The following MCTP1 variants were observed in gnomAD, a reference collection of about 807,000 sequenced individuals.
MCTP1 encodes multiple C2 and transmembrane domain containing 1.
A neutral mutation model predicts 120.6 loss-of-function variants in MCTP1; 69 were observed. That is an observed-to-expected ratio of 0.57 (90% confidence interval 0.47 to 0.70). MCTP1 has a LOEUF of 0.70. Among genes scored for constraint, MCTP1 ranks in the 30% least tolerant of loss-of-function variants. The probability of loss-of-function intolerance (pLI) is 0.00; values close to 1 mark genes in which losing one functional copy is unlikely to be tolerated. For missense variants in MCTP1, 1,203 were observed against 1,248.8 expected (o/e 0.96, Z 0.55); for synonymous variants, 529 against 493.1 (o/e 1.07, Z -0.96).
intron 1 of MCTP1, among the ~76,000 whole-genome samples, chr5:95,096,062 T>C (rs1756244121): frequency 1.3e-5 from 2 of 152,198 alleles, no homozygotes; most frequent in South Asian, 2.1e-4. Context: ...AAAAATGTGA[T>C]ACTAATGACA....
At chr5:94,755,646 G>A (rs1319403770) in intron 19 of MCTP1, among the ~76,000 whole-genome samples, 1 of 152,134 alleles carries the variant, frequency 6.6e-6, no homozygotes, top group African/African-American at 2.4e-5. Context: ...TTCCATGCTT[G>A]GGACCCTTCG....
Position 94,932,004 on chromosome 5 carries a change from TA to T in MCTP1, c.1174-14del. The T allele has an allele frequency of 6.3e-7, 1 of 1,576,032 alleles. No homozygotes were observed. The highest frequency in any genetic ancestry group is 8.7e-7 in the Non-Finnish European group (1 of 1,147,418). On this transcript the variant is annotated splice_polypyrimidine_tract_variant and intron_variant, in intron 5 of 22. Coordinates refer to ENST00000515393, the MANE Select transcript of MCTP1 (RefSeq NM_024717.7). ...TCATTAGCATTGTCTGTAAATAAAA[TA>T]AAGCATTTTCATTATCTTTTCACTC...
At chr5:94,713,184 C>T (rs1306284198) in intron 20 of MCTP1, among the ~76,000 whole-genome samples, 3 of 152,020 alleles carry the variant, frequency 2.0e-5, no homozygotes, top group African/African-American at 7.2e-5. Flanking sequence ...TGGGTAGATG[C>T]TTTTAATTCC....
intron 1 of MCTP1, among the ~76,000 whole-genome samples, chr5:95,095,095 C>T (rs1440525839): frequency 3.7e-4 from 46 of 123,580 alleles, no homozygotes; most frequent in African/African-American, 1.3e-3. Context: ...GCGATCTAGG[C>T]TCACTGCAAG....
At chr5:95,080,324 A>G (rs1424128690) in intron 1 of MCTP1, among the ~76,000 whole-genome samples, 1 of 152,210 alleles carries the variant, frequency 6.6e-6, no homozygotes, top group East Asian at 1.9e-4. Flanking sequence ...AACTAGACCA[A>G]AAAACCTGCA....
At chr5:95,222,397 C>T (rs1456995290) in intron 1 of MCTP1, among the ~76,000 whole-genome samples, 2 of 152,236 alleles carry the variant, frequency 1.3e-5, no homozygotes, top group African/African-American at 4.8e-5. Context: ...GGACAATTAG[C>T]AGTCTCTGCT....
chr5:94,746,319 C>A (rs746499425), intron 19 of MCTP1, among the ~76,000 whole-genome samples: 1 of 152,126 alleles, frequency 6.6e-6, no homozygotes, highest in East Asian at 1.9e-4. Context: ...TCTATTAATT[C>A]TTTTATGTCA....
At chr5:94,801,507 T>G (rs1351686752) in intron 17 of MCTP1, among the ~76,000 whole-genome samples, 1 of 152,246 alleles carries the variant, frequency 6.6e-6, no homozygotes, top group Non-Finnish European at 1.5e-5. Flanking sequence ...AGTCATGAAC[T>G]ATTTTGGATA....
intron 1 of MCTP1, among the ~76,000 whole-genome samples, chr5:95,179,973 C>CAA (rs369836430): frequency 5.3e-4 from 80 of 152,100 alleles, no homozygotes; most frequent in African/African-American, 1.5e-3. Flanking sequence ...AAATAGAAAC[C>CAA]AAAAGCAAGC....
At chr5:94,878,252 T>A (rs1799325971) in intron 12 of MCTP1, among the ~76,000 whole-genome samples, 1 of 152,170 alleles carries the variant, frequency 6.6e-6, no homozygotes, top group East Asian at 1.9e-4. Context: ...GTTGAAGACA[T>A]CTTCCATCCT....
At chr5:94,823,401 A>G (rs1353467884) in intron 17 of MCTP1, among the ~76,000 whole-genome samples, 1 of 152,128 alleles carries the variant, frequency 6.6e-6, no homozygotes, top group Non-Finnish European at 1.5e-5. Flanking sequence ...CCATTGATCT[A>G]TATATGTGTT....
At chr5:95,268,380 C>T (rs1453947234) in intron 1 of MCTP1, among the ~76,000 whole-genome samples, 1 of 152,176 alleles carries the variant, frequency 6.6e-6, no homozygotes, top group Admixed American at 6.5e-5. Flanking sequence ...TTATATAGAA[C>T]ATTTTAACTG....
intron 1 of MCTP1, among the ~76,000 whole-genome samples, chr5:95,099,217 G>T (rs1384475803): frequency 6.6e-6 from 1 of 152,190 alleles, no homozygotes; most frequent in East Asian, 1.9e-4. Flanking sequence ...CACGGGCAAG[G>T]ACTTCATGTC....
At chr5:94,949,828 G>A (rs1478293467) in intron 3 of MCTP1, among the ~76,000 whole-genome samples, 2 of 152,204 alleles carry the variant, frequency 1.3e-5, no homozygotes, top group East Asian at 3.9e-4. Flanking sequence ...TTTTGGGCAA[G>A]ATTAATAATC....
chr5:95,090,776 C>T (rs1174387922), intron 1 of MCTP1, among the ~76,000 whole-genome samples: 1 of 152,176 alleles, frequency 6.6e-6, no homozygotes, highest in Admixed American at 6.5e-5. Flanking sequence ...ATAATCTTAT[C>T]CAGGTCCATG....
At chr5:95,053,739 AC>A (rs1333141274) in intron 1 of MCTP1, among the ~76,000 whole-genome samples, 1 of 151,858 alleles carries the variant, frequency 6.6e-6, no homozygotes, top group Non-Finnish European at 1.5e-5. Flanking sequence ...AAATTACAAC[AC>A]AATCCTTTAA....
chr5:95,181,573 A>G lies in MCTP1; in HGVS notation c.720+102283T>C, dbSNP rs149134075. Among the ~76,000 whole-genome samples, 94 of 152,264 alleles carry G rather than the reference A, an allele frequency of 6.2e-4. No homozygotes were observed. The East Asian group carries it at 0.014, about 23-fold the overall frequency. On this transcript the variant is annotated intron_variant, in intron 1 of 22. Transcript: ENST00000515393. Reference sequence around the variant, plus strand: ...TTATCATACCTCTTGATATTCCATTATAAGTACACACACACATACATACAC... The same window carrying G: ...TTATCATACCTCTTGATATTCCATTGTAAGTACACACACACATACATACAC...
chr5:94,707,355 T>TACA lies in MCTP1; in HGVS notation c.*138_*140dup, dbSNP rs1177269163. The stretch of plus-strand genomic sequence containing the variant: ...ATATATTCAAAGACATATGCCTTTG[T>TACA]ACACTATTTACAGATTCTCTCGATC... On this transcript the variant is annotated 3_prime_UTR_variant, in exon 23 of 23. Coordinates refer to ENST00000515393, the MANE Select transcript of MCTP1 (RefSeq NM_024717.7). 1.5e-6 allele frequency: 1 copy of TACA among 645,230 alleles called. No individual in the cohort carries two copies. The highest frequency in any genetic ancestry group is 2.7e-6 in the Non-Finnish European group (1 of 367,606). 40.0% of individuals were successfully genotyped at this position (645,230 alleles called of 1,614,324 possible).
intron 1 of MCTP1, among the ~76,000 whole-genome samples, chr5:95,267,828 C>T (rs879785215): frequency 6.6e-5 from 10 of 152,204 alleles, no homozygotes; most frequent in African/African-American, 1.4e-4. Context: ...AATCCCAGAC[C>T]CATCTCCCCC....
Sources: gnomAD v4.1 joint callset for allele counts (sites outside exome capture counted in the v4.1 genomes callset) on GRCh38, gnomAD v4.1.1 for gene constraint, MANE v1.5 for transcripts, NCBI Gene and HGNC (gene_info 2026-07-23, HGNC 2026-07-21) for gene names.